FBXL7: variants seen among roughly 807,000 people sequenced by gnomAD.
FBXL7 encodes F-box/LRR-repeat protein 7.
A neutral mutation model predicts 38.3 loss-of-function variants in FBXL7; 12 were observed. That is an observed-to-expected ratio of 0.31 (90% confidence interval 0.20 to 0.51). The LOEUF (loss-of-function observed/expected upper bound fraction) is 0.51, where lower values mean the gene tolerates loss of function less well. Ranked by LOEUF, FBXL7 falls within the 20% of genes least tolerant of loss-of-function variation. The pLI, the probability that FBXL7 is intolerant of heterozygous loss-of-function variation, is 0.98. For synonymous variants in FBXL7, 297 were observed against 300.9 expected (o/e 0.99, Z 0.13); for missense variants, 567 against 676.4 (o/e 0.84, Z 1.79).
intron 2 of FBXL7, among the ~76,000 whole-genome samples, chr5:15,633,478 A>AT (rs1304091052): frequency 4.6e-5 from 7 of 152,044 alleles, no homozygotes; most frequent in Non-Finnish European, 7.4e-5. Flanking sequence ...ATCTAAAAAA[A>AT]TTTTTTTAAT....
chr5:15,735,671 TAAG>T (rs950747369), intron 2 of FBXL7, among the ~76,000 whole-genome samples: 2 of 152,218 alleles, frequency 1.3e-5, no homozygotes, highest in Non-Finnish European at 2.9e-5. Context: ...AGGTTAAATG[TAAG>T]AAGTAGACAC....
intron 2 of FBXL7, among the ~76,000 whole-genome samples, chr5:15,812,486 C>A (rs568613665): frequency 4.9e-4 from 74 of 152,056 alleles, no homozygotes; most frequent in African/African-American, 1.7e-3. Context: ...GCACATGTAT[C>A]CCAGAACTTA....
At chr5:15,710,426 A>G (rs1228146229) in intron 2 of FBXL7, among the ~76,000 whole-genome samples, 1 of 152,094 alleles carries the variant, frequency 6.6e-6, no homozygotes, top group African/African-American at 2.4e-5. Context: ...AATCTCATAC[A>G]TTTAGGTCTG....
intron 2 of FBXL7, among the ~76,000 whole-genome samples, chr5:15,627,882 G>A (rs941648532): frequency 6.6e-6 from 1 of 152,138 alleles, no homozygotes; most frequent in Non-Finnish European, 1.5e-5. Flanking sequence ...CTAACTTCCT[G>A]AGGAAGTCCC....
At chr5:15,523,506 C>T (rs1245554022) in intron 1 of FBXL7, among the ~76,000 whole-genome samples, 1 of 151,718 alleles carries the variant, frequency 6.6e-6, no homozygotes, top group African/African-American at 2.4e-5. Flanking sequence ...TTGCAGTGAG[C>T]TGTGATTGCA....
chr5:15,718,827 A>G (rs1200593903), intron 2 of FBXL7, among the ~76,000 whole-genome samples: 2 of 152,256 alleles, frequency 1.3e-5, no homozygotes, highest in African/African-American at 4.8e-5. Flanking sequence ...TTCAACTAAG[A>G]GGTGACTGGT....
At chr5:15,857,196 G>A (rs866224995) in intron 2 of FBXL7, among the ~76,000 whole-genome samples, 2 of 152,276 alleles carry the variant, frequency 1.3e-5, no homozygotes, top group African/African-American at 2.4e-5. Flanking sequence ...AGGGGTAGGG[G>A]TTTGCTCATC....
chr5:15,783,606 G>T (rs1737056796), intron 2 of FBXL7, among the ~76,000 whole-genome samples: 1 of 152,090 alleles, frequency 6.6e-6, no homozygotes, highest in Non-Finnish European at 1.5e-5. Flanking sequence ...AAACCAAGGA[G>T]GGTACCTATC....
intron 2 of FBXL7, among the ~76,000 whole-genome samples, chr5:15,740,238 A>T (rs1361626579): frequency 6.6e-6 from 1 of 152,196 alleles, no homozygotes; most frequent in Non-Finnish European, 1.5e-5. Context: ...CATTCTCTTA[A>T]CTTCTAGCCT....
At chr5:15,570,763 G>A (rs1286895125) in intron 1 of FBXL7, among the ~76,000 whole-genome samples, 1 of 152,178 alleles carries the variant, frequency 6.6e-6, no homozygotes, top group African/African-American at 2.4e-5. Context: ...TGACTGAACT[G>A]TGTGTGCTGG....
intron 2 of FBXL7, among the ~76,000 whole-genome samples, chr5:15,818,089 A>G (rs1037606010): frequency 6.6e-6 from 1 of 150,630 alleles, no homozygotes; most frequent in Non-Finnish European, 1.5e-5. Context: ...TTAATCTAGT[A>G]AGTTGTGTGT....
At chr5:15,566,065 A>G (rs1168462259) in intron 1 of FBXL7, among the ~76,000 whole-genome samples, 1 of 152,092 alleles carries the variant, frequency 6.6e-6, no homozygotes, top group Non-Finnish European at 1.5e-5. Flanking sequence ...TAAAATATAG[A>G]TGGCAGGAGA....
intron 2 of FBXL7, among the ~76,000 whole-genome samples, chr5:15,634,602 T>A (rs962912135): frequency 6.6e-6 from 1 of 152,130 alleles, no homozygotes; most frequent in Non-Finnish European, 1.5e-5. Context: ...ATTACAGGCG[T>A]GAGCCACTGC....
At chr5:15,824,122 C>G (rs1330380305) in intron 2 of FBXL7, among the ~76,000 whole-genome samples, 1 of 150,886 alleles carries the variant, frequency 6.6e-6, no homozygotes, top group Non-Finnish European at 1.5e-5. Context: ...ATGGTGAAAC[C>G]CCGTCTCTAC....
chr5:15,702,190 A>G (rs1438851760), intron 2 of FBXL7, among the ~76,000 whole-genome samples: 1 of 150,276 alleles, frequency 6.7e-6, no homozygotes. Flanking sequence ...ATGATCCGAG[A>G]TTGCGCCACT....
At chr5:15,746,468 C>T (rs1254758638) in intron 2 of FBXL7, among the ~76,000 whole-genome samples, 1 of 152,046 alleles carries the variant, frequency 6.6e-6, no homozygotes, top group Non-Finnish European at 1.5e-5. Flanking sequence ...GATCAAGGCC[C>T]TGGCAGATTT....
chr5:15,609,628 C>T (rs557417760), intron 1 of FBXL7, among the ~76,000 whole-genome samples: 15 of 152,300 alleles, frequency 9.8e-5, no homozygotes, highest in Middle Eastern at 6.8e-3. Context: ...ACTGTGTTGA[C>T]TCCCTAAGGC....
intron 1 of FBXL7, among the ~76,000 whole-genome samples, chr5:15,550,627 C>A (rs555202182): frequency 7.0e-4 from 106 of 152,334 alleles, no homozygotes; most frequent in African/African-American, 2.3e-3. Flanking sequence ...GACCCAGGTT[C>A]TTTGCAAACT....
intron 2 of FBXL7, among the ~76,000 whole-genome samples, chr5:15,754,574 C>G (rs75933684): frequency 6.6e-6 from 1 of 152,050 alleles, no homozygotes; most frequent in Non-Finnish European, 1.5e-5. Context: ...AGTTAGACAC[C>G]GGGCAACCAA....
Sources: gnomAD v4.1 joint callset for allele counts (sites outside exome capture counted in the v4.1 genomes callset) on GRCh38, gnomAD v4.1.1 for gene constraint, MANE v1.5 for transcripts, NCBI Gene and HGNC (gene_info 2026-07-23, HGNC 2026-07-21) for gene names.